DBF4: variants seen among roughly 807,000 people sequenced by gnomAD.
DBF4 encodes DBF4-CDC7 kinase regulatory subunit.
DBF4 carries 25 observed loss-of-function variants against 76.6 expected under a neutral mutation model. The observed-to-expected ratio is 0.33, with a 90% CI of 0.24 to 0.46. The LOEUF (loss-of-function observed/expected upper bound fraction) is 0.46. Among genes scored for constraint, DBF4 ranks in the 20% least tolerant of loss-of-function variants. The probability of loss-of-function intolerance (pLI) is 1.00; values close to 1 mark genes in which losing one functional copy is unlikely to be tolerated. For missense variants in DBF4, 638 were observed against 760.8 expected (o/e 0.84, Z 1.90); for synonymous variants, 213 against 258.0 (o/e 0.83, Z 1.67).
chr7:87,901,382 A>T (rs1228693801), intron 10 of DBF4, among the ~76,000 whole-genome samples: 1 of 152,196 alleles, frequency 6.6e-6, no homozygotes, highest in Non-Finnish European at 1.5e-5. Flanking sequence ...GGGACCAAGG[A>T]ATAGATATTG....
chr7:87,878,419 C>A lies in DBF4; in HGVS notation c.219+194C>A, dbSNP rs1839124743. ...GGACTGACAGACCTTTCAGGTTTCTCTGATTAGCAGTCTAGTGTAAAGTTC... is the reference window on the plus strand; with the variant it reads ...GGACTGACAGACCTTTCAGGTTTCTATGATTAGCAGTCTAGTGTAAAGTTC... On this transcript the variant is annotated intron_variant, in intron 2 of 11. Coordinates refer to ENST00000265728, the MANE Select transcript of DBF4 (RefSeq NM_006716.4). 9.8e-6 allele frequency: 5 copies of A among 507,904 alleles called. No homozygotes were observed. The East Asian group carries it at 1.7e-4, about 17-fold the overall frequency. 31.5% of individuals were successfully genotyped at this position (507,904 alleles called of 1,614,324 possible).
chr7:87,888,149 C>T, intron 6 of DBF4, 90 bp downstream of exon 6: 1 of 1,425,576 alleles, frequency 7.0e-7, no homozygotes, highest in Admixed American at 2.8e-5. Context: ...AGAAAATATC[C>T]TAGGGGCAAG....
chr7:87,887,958 TA>T, intron 5 of DBF4, 24 bp from the exon 6 acceptor site: 2 of 1,520,218 alleles, frequency 1.3e-6, no homozygotes, highest in Non-Finnish European at 8.8e-7. Flanking sequence ...TTGCTAATCT[TA>T]AAACCTTCTT....
At chr7:87,886,403 T>C (rs1839353074) in intron 3 of DBF4, among the ~76,000 whole-genome samples, 1 of 151,546 alleles carries the variant, frequency 6.6e-6, no homozygotes, top group Admixed American at 6.6e-5. Context: ...GGCATGATGG[T>C]GCGTGCCTGT....
At chr7:87,882,427 A>G (rs888420026) in intron 2 of DBF4, among the ~76,000 whole-genome samples, 1 of 152,218 alleles carries the variant, frequency 6.6e-6, no homozygotes, top group Non-Finnish European at 1.5e-5. Context: ...TTTCTTGGAT[A>G]TGATACCAAA....
intron 2 of DBF4, among the ~76,000 whole-genome samples, chr7:87,879,857 G>A (rs1839167285): frequency 6.6e-6 from 1 of 151,848 alleles, no homozygotes; most frequent in Non-Finnish European, 1.5e-5. Flanking sequence ...GGAGGCCGAG[G>A]CATGAGCATC....
Position 87,907,861 on chromosome 7 carries a change from C to T in DBF4, c.1723C>T (p.His575Tyr), listed in dbSNP as rs1454635067. The T allele has an allele frequency of 6.2e-7, 1 of 1,613,610 alleles. No homozygotes were observed. The highest frequency in any genetic ancestry group is 1.1e-5 in the South Asian group (1 of 90,912). Residue 575 changes from histidine to tyrosine, a missense_variant, in exon 12 of 12, where the codon CAT becomes TAT. Coordinates refer to ENST00000265728, the MANE Select transcript of DBF4 (RefSeq NM_006716.4). ...GGATAGTTTACCTTCTGGTAAAATACATCGAAAAGTGAAAATAATATTAGG... is the reference window on the plus strand; with the variant it reads ...GGATAGTTTACCTTCTGGTAAAATATATCGAAAAGTGAAAATAATATTAGG... ...NMDSLPSGKI[H>Y]RKVKIILGRN...
Position 87,878,179 on chromosome 7 carries a change from T to G in DBF4, c.173T>G (p.Val58Gly). 1 of 1,613,094 alleles carries G rather than the reference T, an allele frequency of 6.2e-7. No homozygotes were observed. Among genetic ancestry groups the G allele is most frequent in the African/African-American group, 1.3e-5 (1 of 74,978 alleles). Residue 58 changes from valine (V) to glycine (G), a missense_variant, in exon 2 of 12, where the codon GTC (valine) becomes GGC (glycine). Coordinates refer to ENST00000265728, the MANE Select transcript of DBF4 (RefSeq NM_006716.4). ...GTATTTTACCTTGACTTACCTTCTG[T>G]CACCATATCTGAAAAACTTCAAAAG... is the stretch of plus-strand genomic sequence containing the variant. The part of the protein sequence containing the change: ...GKVFYLDLPS[V>G]TISEKLQKDI...
chr7:87,882,652 G>T (rs1382606455), intron 2 of DBF4, among the ~76,000 whole-genome samples: 12 of 152,150 alleles, frequency 7.9e-5, no homozygotes. Context: ...TTAAAAATGG[G>T]CAGAGGAACT....
At chr7:87,901,347 A>G (rs1055682747) in intron 10 of DBF4, among the ~76,000 whole-genome samples, 2 of 152,198 alleles carry the variant, frequency 1.3e-5, no homozygotes, top group African/African-American at 2.4e-5. Context: ...AGTAAGTGCA[A>G]AGGTCCCAAT....
At chr7:87,879,149 G>A (rs113093948) in intron 2 of DBF4, among the ~76,000 whole-genome samples, 13,971 of 151,934 alleles carry the variant, frequency 0.092, 767 homozygotes, top group African/African-American at 0.15. Context: ...GGGTTTCACC[G>A]TGTTGCCCAG....
Position 87,896,508 on chromosome 7 carries a change from GAAGT to G in DBF4, c.634+4_634+7del. ...GTTGGTAGTGGTGCACAAAAAACAA[GAAGT>G]AAGTATTTTGTGATCTTTAAGTGTA... On this transcript the variant is annotated splice_donor_variant and coding_sequence_variant, in exon 7 of 12. Transcript: ENST00000265728. LOFTEE classifies it high-confidence loss of function. 2.5e-6 allele frequency: 4 copies of G among 1,611,002 alleles called. No homozygotes were observed. The highest frequency in any genetic ancestry group is 3.4e-6 in the Non-Finnish European group (4 of 1,178,542).
chr7:87,886,735 G>A, intron 3 of DBF4, 109 bp from the exon 4 acceptor site: 2 of 693,668 alleles, frequency 2.9e-6, no homozygotes, highest in Non-Finnish European at 5.0e-6. Flanking sequence ...CCAAAAAAGA[G>A]AAACTTTTTA....
At chr7:87,893,320 ACTGCAAG>A (rs1839541367) in intron 6 of DBF4, among the ~76,000 whole-genome samples, 1 of 141,574 alleles carries the variant, frequency 7.1e-6, no homozygotes, top group Admixed American at 7.9e-5. Context: ...ATCTCGGCTC[ACTGCAAG>A]CTCCGCTTCC....
chr7:87,883,604 A>AG (rs1429359909), intron 2 of DBF4, among the ~76,000 whole-genome samples: 2 of 152,316 alleles, frequency 1.3e-5, no homozygotes, highest in Non-Finnish European at 2.9e-5. Context: ...AAATAAATGT[A>AG]GGTACATTAT....
intron 11 of DBF4, 103 bp from the exon 12 acceptor site, chr7:87,907,085 C>T (rs1187332501): frequency 1.7e-6 from 2 of 1,178,798 alleles, no homozygotes; most frequent in Non-Finnish European, 2.3e-6. Context: ...AAATAGGTTT[C>T]TTAAAGATTA....
intron 8 of DBF4, among the ~76,000 whole-genome samples, chr7:87,898,718 G>A (rs1839697959): frequency 6.6e-6 from 1 of 150,932 alleles, no homozygotes; most frequent in Non-Finnish European, 1.5e-5. Context: ...GTGAACCCGG[G>A]AGGCAGAGCT....
intron 3 of DBF4, among the ~76,000 whole-genome samples, chr7:87,886,211 A>G (rs1232439300): frequency 1.3e-5 from 2 of 152,162 alleles, no homozygotes; most frequent in African/African-American, 2.4e-5. Context: ...ATGGCATTTC[A>G]ACGAGTTTTC....
chr7:87,885,842 A>G (rs1289523665), intron 3 of DBF4, among the ~76,000 whole-genome samples: 2 of 152,038 alleles, frequency 1.3e-5, no homozygotes, highest in African/African-American at 2.4e-5. Flanking sequence ...CTACCACTCC[A>G]TGGCCAGTAA....
Sources: allele counts gnomAD v4.1 joint callset (sites outside exome capture counted in the v4.1 genomes callset), GRCh38; gene constraint gnomAD v4.1.1; transcripts MANE v1.5; gene names NCBI Gene and HGNC (gene_info 2026-07-23, HGNC 2026-07-21).